MPP7: variants seen among roughly 807,000 people sequenced by gnomAD.
MPP7 encodes MAGUK p55 subfamily member 7.
In MPP7, 60 loss-of-function variants were observed where a neutral mutation model predicts 76.5. The observed-to-expected ratio is 0.78, with a 90% confidence interval of 0.64 to 0.97. The LOEUF (loss-of-function observed/expected upper bound fraction) is 0.97, where lower values mean the gene tolerates loss of function less well. Ranked by LOEUF, MPP7 falls within the 50% of genes least tolerant of loss-of-function variation. MPP7 has a pLI of 0.00. For missense variants in MPP7, 641 were observed against 694.0 expected (o/e 0.92, Z 0.86); for synonymous variants, 237 against 244.5 (o/e 0.97, Z 0.29).
At chr10:28,286,262 C>T (rs1427074726) in intron 1 of MPP7, among the ~76,000 whole-genome samples, 2 of 151,840 alleles carry the variant, frequency 1.3e-5, no homozygotes, top group Non-Finnish European at 2.9e-5. Context: ...AGGAGAATGG[C>T]GTGAACCCGG....
chr10:28,328,579 T>C (rs531025330), intron 2 of MPP7, among the ~76,000 whole-genome samples: 1 of 152,094 alleles, frequency 6.6e-6, no homozygotes, highest in Admixed American at 6.5e-5. Context: ...CTTTTTTTTT[T>C]TTTTTTTTGG....
rs141733026 is a variant in MPP7 at position 28,310,598 on chromosome 10, A to G, written c.-132+19331T>C. ...AACATAAGAAAAAACTAATTTCCTTATACCATTAATTTGCAACAGTATTAA... is the reference window on the plus strand; with the variant it reads ...AACATAAGAAAAAACTAATTTCCTTGTACCATTAATTTGCAACAGTATTAA... On this transcript the variant is annotated intron_variant, in intron 2 of 11. Coordinates refer to the MPP7 transcript ENST00000441595. Among the ~76,000 whole-genome samples the G allele has an allele frequency of 2.6e-5, 4 of 152,344 alleles. No homozygotes were observed. The East Asian group carries it at 7.7e-4, about 29-fold the overall frequency.
At chr10:28,148,584 T>C (rs1835782252) in intron 4 of MPP7, among the ~76,000 whole-genome samples, 1 of 152,194 alleles carries the variant, frequency 6.6e-6, no homozygotes, top group Non-Finnish European at 1.5e-5. Context: ...TAGAAAATTA[T>C]ACAGTCATTA....
intron 1 of MPP7, among the ~76,000 whole-genome samples, chr10:28,239,973 A>G (rs1437522398): frequency 6.6e-6 from 1 of 152,170 alleles, no homozygotes; most frequent in Non-Finnish European, 1.5e-5. Context: ...AATTCAGGTA[A>G]TGAGATTATA....
intron 2 of MPP7, among the ~76,000 whole-genome samples, chr10:28,228,396 A>AAC (rs1838767973): frequency 6.6e-6 from 1 of 152,188 alleles, no homozygotes; most frequent in Non-Finnish European, 1.5e-5. Context: ...AAGTGAGGTT[A>AAC]ACGAGACTTC....
chr10:28,324,113 A>C (rs192093148), intron 2 of MPP7, among the ~76,000 whole-genome samples: 1 of 152,254 alleles, frequency 6.6e-6, no homozygotes, highest in East Asian at 1.9e-4. Flanking sequence ...CTTAACCCCC[A>C]AGTTGATGAT....
chr10:28,323,029 G>A (rs942469713), intron 2 of MPP7, among the ~76,000 whole-genome samples: 2 of 152,142 alleles, frequency 1.3e-5, no homozygotes, highest in South Asian at 2.1e-4. Context: ...GCTCACACCT[G>A]TAATCCCAGC....
intron 2 of MPP7, among the ~76,000 whole-genome samples, chr10:28,309,481 C>A (rs72803699): frequency 0.095 from 14,434 of 151,874 alleles, 800 homozygotes; most frequent in African/African-American, 0.13. Context: ...TGTTTCCTTC[C>A]AATTCCTTCT....
chr10:28,327,068 C>T (rs1834422948), intron 2 of MPP7, among the ~76,000 whole-genome samples: 1 of 151,992 alleles, frequency 6.6e-6, no homozygotes, highest in Admixed American at 6.6e-5. Flanking sequence ...GAAAGCAAAG[C>T]ACATGTGACC....
intron 3 of MPP7, among the ~76,000 whole-genome samples, chr10:28,192,514 C>T (rs1447973233): frequency 6.6e-6 from 1 of 152,108 alleles, no homozygotes; most frequent in Non-Finnish European, 1.5e-5. Flanking sequence ...AATACCACTC[C>T]AAAGCCATAG....
intron 1 of MPP7, among the ~76,000 whole-genome samples, chr10:28,288,304 A>G (rs1241992587): frequency 6.6e-6 from 1 of 152,148 alleles, no homozygotes; most frequent in Non-Finnish European, 1.5e-5. Flanking sequence ...CAGTGGTGTG[A>G]TCATGGTACA....
intron 3 of MPP7, among the ~76,000 whole-genome samples, chr10:28,177,916 G>A (rs528537700): frequency 1.4e-4 from 22 of 152,186 alleles, no homozygotes; most frequent in African/African-American, 5.3e-4. Flanking sequence ...GATCCAGAAT[G>A]TCAAGCAGCC....
At chr10:28,056,693 G>C in intron 15 of MPP7, 70 bp from the exon 16 acceptor site, 1 of 1,376,628 alleles carries the variant, frequency 7.3e-7, no homozygotes, top group East Asian at 2.6e-5. Flanking sequence ...TTTCTTTCTA[G>C]GAGAAAATTC....
At chr10:28,232,175 C>T (rs1838906774) in intron 2 of MPP7, among the ~76,000 whole-genome samples, 1 of 152,032 alleles carries the variant, frequency 6.6e-6, no homozygotes, top group Admixed American at 6.6e-5. Flanking sequence ...CTGGGCAACA[C>T]AGGAAGACTC....
intron 1 of MPP7, among the ~76,000 whole-genome samples, chr10:28,254,114 G>A (rs547495286): frequency 1.4e-5 from 2 of 145,970 alleles, no homozygotes; most frequent in East Asian, 2.1e-4. Context: ...ATGGGACAAT[G>A]TTTCAAAAGA....
At chr10:28,080,978 T>A (rs1181757740) in intron 12 of MPP7, among the ~76,000 whole-genome samples, 1 of 152,194 alleles carries the variant, frequency 6.6e-6, no homozygotes, top group Non-Finnish European at 1.5e-5. Context: ...TGTGGGAGGC[T>A]TTGTGTTATG....
chr10:28,266,151 G>T (rs1324816383), intron 1 of MPP7, among the ~76,000 whole-genome samples: 1 of 152,042 alleles, frequency 6.6e-6, no homozygotes, highest in Non-Finnish European at 1.5e-5. Flanking sequence ...GTAGAGACGG[G>T]TTTTCACCAT....
At chr10:28,282,178 G>A (rs1840694208) in intron 1 of MPP7, 4 of 152,058 alleles carry the variant, frequency 2.6e-5, no homozygotes, top group Admixed American at 2.6e-4. Context: ...ACAGACAGCT[G>A]TGTGCCTCAC....
At chr10:28,183,631 T>C (rs577516203) in intron 3 of MPP7, among the ~76,000 whole-genome samples, 89 of 151,932 alleles carry the variant, frequency 5.9e-4, no homozygotes, top group African/African-American at 9.9e-4. Context: ...CAGCAAAAAA[T>C]AAAGAATTAG....
Sources: gnomAD v4.1 joint callset for allele counts (sites outside exome capture counted in the v4.1 genomes callset) on GRCh38, gnomAD v4.1.1 for gene constraint, MANE v1.5 for transcripts, NCBI Gene and HGNC (gene_info 2026-07-23, HGNC 2026-07-21) for gene names.